The following MITF variants were observed in gnomAD, a reference collection of about 807,000 sequenced individuals.
MITF encodes microphthalmia-associated transcription factor.
A neutral mutation model predicts 60.5 loss-of-function variants in MITF; 17 were observed. The observed-to-expected ratio is 0.28, with a 90% CI of 0.19 to 0.42. The LOEUF is 0.42. Among genes scored for constraint, MITF ranks in the 10% least tolerant of loss-of-function variants. The probability of loss-of-function intolerance (pLI) is 1.00; values close to 1 mark genes in which losing one functional copy is unlikely to be tolerated. For synonymous variants in MITF, 260 were observed against 248.5 expected (o/e 1.05, Z -0.43); for missense variants, 622 against 683.5 (o/e 0.91, Z 1.00).
intron 1 of MITF, among the ~76,000 whole-genome samples, chr3:69,820,345 T>C (rs1043400185): frequency 6.6e-5 from 10 of 152,286 alleles, no homozygotes; most frequent in African/African-American, 2.4e-4. Flanking sequence ...TCTGTCCAAG[T>C]TACACTTTGA....
intron 1 of MITF, chr3:69,763,977 C>T (rs561656166): frequency 1.5e-6 from 2 of 1,326,420 alleles, no homozygotes; most frequent in East Asian, 8.3e-5. Flanking sequence ...CCTCAGTTTA[C>T]AGGTTCTTAT....
chr3:69,743,117 G>A (rs1167067848), intron 1 of MITF, among the ~76,000 whole-genome samples: 1 of 152,120 alleles, frequency 6.6e-6, no homozygotes, highest in Admixed American at 6.5e-5. Context: ...TTGTTGTGGA[G>A]GGTCCTATGC....
chr3:69,926,822 A>G (rs1402939658), intron 2 of MITF, among the ~76,000 whole-genome samples: 1 of 152,252 alleles, frequency 6.6e-6, no homozygotes, highest in Admixed American at 6.5e-5. Context: ...CAGAAAAAAC[A>G]AAGTCCTCTC....
At chr3:69,936,113 A>G (rs2065828257) in intron 2 of MITF, among the ~76,000 whole-genome samples, 1 of 152,196 alleles carries the variant, frequency 6.6e-6, no homozygotes, top group Admixed American at 6.5e-5. Flanking sequence ...AATAAGGTGC[A>G]TATTAAGACC....
intron 1 of MITF, chr3:69,838,505 A>G (rs1367370): frequency 0.16 from 25,089 of 152,656 alleles, 2,190 homozygotes; most frequent in Non-Finnish European, 0.21. Flanking sequence ...ACGCATATGT[A>G]GTAGCAGGGG....
intron 1 of MITF, among the ~76,000 whole-genome samples, chr3:69,763,274 A>T (rs1293105246): frequency 6.6e-6 from 1 of 152,308 alleles, no homozygotes; most frequent in East Asian, 1.9e-4. Flanking sequence ...TTTTCATCAG[A>T]TGTCCTTGCG....
In MITF at chr3:69,835,569, AT is replaced by A. The variant is rs143804676; in HGVS notation, c.105-43561del. Among the ~76,000 whole-genome samples, 185 of 152,068 alleles carry A rather than the reference AT, an allele frequency of 1.2e-3. 4 individuals are homozygous for A. In the East Asian group the frequency reaches 0.033, roughly 27 times the overall value. On this transcript the variant is annotated intron_variant, in intron 1 of 9. Coordinates refer to ENST00000352241, the MANE Select transcript of MITF (RefSeq NM_001354604.2). ...CTTGCCAAGCCCAGTGTTGTGAAGCATTTTGCCTGTGTTTTCTTCTAGTAGA... is the reference window on the plus strand; with the variant it reads ...CTTGCCAAGCCCAGTGTTGTGAAGCATTTGCCTGTGTTTTCTTCTAGTAGA...
intron 1 of MITF, among the ~76,000 whole-genome samples, chr3:69,878,138 A>G (rs2064396945): frequency 6.6e-6 from 1 of 152,178 alleles, no homozygotes; most frequent in African/African-American, 2.4e-5. Context: ...GTAGGGCTTT[A>G]AAATATACAT....
chr3:69,826,036 A>G (rs1380154541), intron 1 of MITF, among the ~76,000 whole-genome samples: 1 of 152,212 alleles, frequency 6.6e-6, no homozygotes, highest in Non-Finnish European at 1.5e-5. Flanking sequence ...TCTTTTTAAA[A>G]TTTTACACTA....
chr3:69,787,827 G>T (rs1175996066), intron 1 of MITF, among the ~76,000 whole-genome samples: 1 of 152,094 alleles, frequency 6.6e-6, no homozygotes, highest in Admixed American at 6.6e-5. Context: ...TTACACCACT[G>T]ATAAAAATAA....
At position 69,746,659 on chromosome 3, in the gene MITF, T is replaced by C. The variant is rs967194307; in HGVS notation, c.104+6958T>C. 5.9e-5 allele frequency among the ~76,000 whole-genome samples: 9 copies of C among 152,218 alleles called. No homozygotes were observed. In the South Asian group the frequency reaches 6.2e-4, roughly 11 times the overall value. On this transcript the variant is annotated intron_variant, in intron 1 of 9. Coordinates refer to ENST00000352241, the MANE Select transcript of MITF (RefSeq NM_001354604.2). ...TAATCATGAAGACAGGTCAAAGATA[T>C]TAAATGCAGCCACCACAAGCTTTTG... is the stretch of plus-strand genomic sequence containing the variant.
chr3:69,919,817 G>GTT (rs34303110), intron 2 of MITF, among the ~76,000 whole-genome samples: 35 of 150,744 alleles, frequency 2.3e-4, no homozygotes, highest in Admixed American at 7.3e-4. Context: ...ATTTGCTGGG[G>GTT]TTTTTTTTTG....
At chr3:69,743,806 C>T (rs936315265) in intron 1 of MITF, among the ~76,000 whole-genome samples, 1 of 152,132 alleles carries the variant, frequency 6.6e-6, no homozygotes, top group African/African-American at 2.4e-5. Flanking sequence ...GAATGAGCTC[C>T]TAGGAGCAGA....
At chr3:69,939,239 T>C (rs2065914927) in intron 4 of MITF, 58 bp downstream of exon 4, 2 of 1,482,038 alleles carry the variant, frequency 1.3e-6, no homozygotes, top group African/African-American at 1.4e-5. Context: ...TCTATATTTG[T>C]GGTGGATCAC....
intron 1 of MITF, among the ~76,000 whole-genome samples, chr3:69,791,355 G>A (rs116798943): frequency 2.9e-3 from 444 of 152,056 alleles, no homozygotes; most frequent in African/African-American, 0.01. Flanking sequence ...TCTTAACAGC[G>A]TGGTGGTGGT....
chr3:69,829,386 A>C (rs2063409009), intron 1 of MITF, among the ~76,000 whole-genome samples: 1 of 152,134 alleles, frequency 6.6e-6, no homozygotes. Flanking sequence ...TGAGATTTTA[A>C]AATTCATGTC....
At chr3:69,924,954 A>C (rs1198251328) in intron 2 of MITF, among the ~76,000 whole-genome samples, 3 of 152,160 alleles carry the variant, frequency 2.0e-5, no homozygotes, top group African/African-American at 7.2e-5. Context: ...ATAAAAGGAT[A>C]CAGGAAAGAG....
rs112919614 is a variant in MITF, at chr3:69,812,293, G to A, written c.105-66841G>A. On this transcript the variant is annotated intron_variant, in intron 1 of 9. Transcript: ENST00000352241. ...AATGGTGCAGTCTCATAGGGCTGGG[G>A]TAATGAAAAAAAAATAGATTATAGT... Among the ~76,000 whole-genome samples the A allele has an allele frequency of 1.7e-3, 256 of 151,836 alleles. 1 individual carries two copies. The highest frequency in any genetic ancestry group is 6.1e-3 in the African/African-American group (251 of 41,406).
chr3:69,762,528 T>C (rs1331356986), intron 1 of MITF, among the ~76,000 whole-genome samples: 2 of 152,240 alleles, frequency 1.3e-5, no homozygotes, highest in African/African-American at 2.4e-5. Flanking sequence ...ATAAGCCTGA[T>C]TGAAAGCCTT....
Sources: allele counts gnomAD v4.1 joint callset (sites outside exome capture counted in the v4.1 genomes callset), GRCh38; gene constraint gnomAD v4.1.1; transcripts MANE v1.5; gene names NCBI Gene and HGNC (gene_info 2026-07-23, HGNC 2026-07-21).